BFAR: variants seen among roughly 807,000 people sequenced by gnomAD.
The protein encoded by BFAR is bifunctional apoptosis regulator, also known as RING finger protein 47.
Under a neutral mutation model 54.4 loss-of-function variants are expected in BFAR, and 52 were observed. The observed-to-expected ratio is 0.96, with a 90% CI of 0.77 to 1.21. The LOEUF (loss-of-function observed/expected upper bound fraction) is 1.21. BFAR is among the 50% of genes most tolerant of loss of function. The pLI, the probability that BFAR is intolerant of heterozygous loss-of-function variation, is 0.00. For missense variants in BFAR, 571 were observed against 534.0 expected (o/e 1.07, Z -0.68); for synonymous variants, 215 against 204.3 (o/e 1.05, Z -0.45).
At position 14,636,188 on chromosome 16, in the gene BFAR, G is replaced by A. The variant is rs577158934; in HGVS notation, c.-74+3170G>A. Among the ~76,000 whole-genome samples the A allele has an allele frequency of 2.0e-4, 30 of 152,268 alleles. 2 individuals are homozygous for A. The South Asian group carries it at 6.0e-3, about 30-fold the overall frequency. The stretch of plus-strand genomic sequence containing the variant: ...CCCTCCACACCTGTGGGTGTTTCTC[G>A]TTAGGTGGAACGAGAGACTTGGAAA... On this transcript the variant is annotated intron_variant, in intron 1 of 7. Coordinates refer to ENST00000261658, the MANE Select transcript of BFAR (RefSeq NM_016561.3).
rs565733109 is a variant in BFAR, at chr16:14,659,983, A to G, written c.784-1909A>G. The stretch of plus-strand genomic sequence containing the variant: ...TGTTTTAACAGTTTTTATTGAGGTA[A>G]AATTGATATACACCTACTTAAAGTG... On this transcript the variant is annotated intron_variant, in intron 5 of 7. Coordinates refer to ENST00000261658, the MANE Select transcript of BFAR (RefSeq NM_016561.3). 5.8e-4 allele frequency among the ~76,000 whole-genome samples: 88 copies of G among 152,342 alleles called. 2 individuals carry two copies. The highest frequency in any genetic ancestry group is 2.0e-3 in the African/African-American group (84 of 41,592).
intron 1 of BFAR, among the ~76,000 whole-genome samples, chr16:14,643,053 C>G (rs1959674651): frequency 6.6e-6 from 1 of 152,158 alleles, no homozygotes; most frequent in South Asian, 2.1e-4. Flanking sequence ...TGGCTCATAC[C>G]TGTAATCCCA....
At position 14,648,421 on chromosome 16, in the gene BFAR, T is replaced by G. The variant is rs754325463; in HGVS notation, c.297T>G (p.Ile99Met). ...TTGAAAAGTTATTTCCTGATGCCATTAGACTGAGATTTGAAGACATTCAGC... is the reference window on the plus strand; with the variant it reads ...TTGAAAAGTTATTTCCTGATGCCATGAGACTGAGATTTGAAGACATTCAGC... ...DAIEKLFPDAIRLRFEDIQQN... is the reference protein window; with the variant it reads ...DAIEKLFPDAMRLRFEDIQQN... The change falls in exon 3 of 8, where the codon ATT becomes ATG. Residue 99 changes from isoleucine (I) to methionine (M), a missense_variant. Ile to Met is a conservative substitution (Grantham distance 10). Coordinates refer to ENST00000261658, the MANE Select transcript of BFAR (RefSeq NM_016561.3). The G allele has an allele frequency of 9.3e-6, 15 of 1,613,738 alleles. No individual in the cohort carries two copies. The highest frequency in any genetic ancestry group is 1.3e-5 in the Non-Finnish European group (15 of 1,179,664).
chr16:14,645,840 T>C (rs151042377), intron 2 of BFAR, among the ~76,000 whole-genome samples: 8 of 152,192 alleles, frequency 5.3e-5, no homozygotes, highest in East Asian at 1.9e-4. Context: ...TACATATATA[T>C]ACACACACAT....
At chr16:14,660,360 C>A (rs1157070815) in intron 5 of BFAR, among the ~76,000 whole-genome samples, 1 of 152,066 alleles carries the variant, frequency 6.6e-6, no homozygotes, top group Non-Finnish European at 1.5e-5. Context: ...GATCTTGGCT[C>A]ACTGCAACCT....
At position 14,667,987 on chromosome 16, in the gene BFAR, G is replaced by A; in HGVS notation, c.*160G>A. On this transcript the variant is annotated 3_prime_UTR_variant, in exon 8 of 8. Coordinates refer to ENST00000261658, the MANE Select transcript of BFAR (RefSeq NM_016561.3). ...CTCCAACCATGTCCTCTCCCCCTCAGCCTGTGGGTGGCACGAGCAAGGACT... is the reference window on the plus strand; with the variant it reads ...CTCCAACCATGTCCTCTCCCCCTCAACCTGTGGGTGGCACGAGCAAGGACT... 1.4e-6 allele frequency: 1 copy of A among 730,928 alleles called. No individual in the cohort carries two copies. The highest frequency in any genetic ancestry group is 2.2e-6 in the Non-Finnish European group (1 of 454,176). 45.3% of individuals were successfully genotyped at this position (730,928 alleles called of 1,614,324 possible). A position where few individuals can be genotyped will look rare whatever the true frequency, so the allele number is the denominator to read the frequency against.
chr16:14,655,749 A>C (rs1260104941), intron 5 of BFAR, among the ~76,000 whole-genome samples: 1 of 152,120 alleles, frequency 6.6e-6, no homozygotes, highest in East Asian at 1.9e-4. Flanking sequence ...CTGTTTTACA[A>C]ATAAATAAGG....
chr16:14,637,097 T>C (rs1268146635), intron 1 of BFAR, among the ~76,000 whole-genome samples: 1 of 152,022 alleles, frequency 6.6e-6, no homozygotes, highest in Non-Finnish European at 1.5e-5. Context: ...CTCTCTTTCT[T>C]TTCCCCCCAC....
At position 14,644,426 on chromosome 16, in the gene BFAR, T is replaced by C; in HGVS notation, c.80T>C (p.Ile27Thr). ...DEPLKSTGPQ[I>T]SVSEFSCHCC... ...CCTCTCAAAAGCACCGGCCCTCAGA[T>C]TTCTGTTAGTGAATTTTCTTGCCAC... The change falls in exon 2 of 8, where the codon ATT becomes ACT. Residue 27 changes from isoleucine (I) to threonine (T), a missense_variant. Transcript: ENST00000261658. The C allele has an allele frequency of 1.2e-6, 2 of 1,614,006 alleles. No individual in the cohort carries two copies. Among genetic ancestry groups the C allele is most frequent in the African/African-American group, 1.3e-5 (1 of 75,016 alleles).
chr16:14,649,423 A>T (rs1428838048), intron 3 of BFAR, among the ~76,000 whole-genome samples: 2 of 152,136 alleles, frequency 1.3e-5, no homozygotes, highest in African/African-American at 4.8e-5. Context: ...CTAACTTCCA[A>T]TGTGGAGACT....
At chr16:14,637,815 CA>C (rs1402867367) in intron 1 of BFAR, among the ~76,000 whole-genome samples, 3 of 149,626 alleles carry the variant, frequency 2.0e-5, no homozygotes, top group Admixed American at 6.7e-5. Flanking sequence ...GGTGACAGAG[CA>C]AGACTCCATC....
At chr16:14,665,165 T>G (rs1313280589) in intron 7 of BFAR, 94 bp downstream of exon 7, 1 of 1,241,116 alleles carries the variant, frequency 8.1e-7, no homozygotes, top group Admixed American at 2.1e-5. Context: ...TTGAAATAAA[T>G]CCTCCATCCA....
At chr16:14,664,390 C>CAAAAAAA (rs753783830) in intron 6 of BFAR, among the ~76,000 whole-genome samples, 1 of 58,090 alleles carries the variant, frequency 1.7e-5, no homozygotes, top group Non-Finnish European at 3.6e-5. Context: ...GACTCCGTCT[C>CAAAAAAA]AAAAAAAAAA....
At chr16:14,641,172 T>C (rs1002098089) in intron 1 of BFAR, among the ~76,000 whole-genome samples, 5 of 152,228 alleles carry the variant, frequency 3.3e-5, no homozygotes, top group African/African-American at 1.2e-4. Flanking sequence ...AGTTATGATT[T>C]CCTAAACACA....
At chr16:14,655,329 T>A in intron 5 of BFAR, 119 bp downstream of exon 5, 1 of 910,738 alleles carries the variant, frequency 1.1e-6, no homozygotes, top group East Asian at 3.3e-5. Context: ...TTTATTTATT[T>A]ATTTTATTTT....
intron 6 of BFAR, among the ~76,000 whole-genome samples, chr16:14,664,357 TTC>T (rs1223519341): frequency 3.4e-5 from 5 of 147,868 alleles, no homozygotes; most frequent in Non-Finnish European, 5.9e-5. Context: ...CACCACTGCA[TTC>T]CAGCCTGGGT....
In BFAR at chr16:14,661,744, A is replaced by T. The variant is rs1037792083; in HGVS notation, c.784-148A>T. 8 of 845,732 alleles carry T rather than the reference A, an allele frequency of 9.5e-6. No individual in the cohort carries two copies. In the African/African-American group the frequency reaches 1.3e-4, roughly 14 times the overall value. The allele number at this position is 845,732 out of a possible 1,614,324, so 52.4% of individuals were successfully genotyped here. On this transcript the variant is annotated intron_variant, in intron 5 of 7. Coordinates refer to ENST00000261658, the MANE Select transcript of BFAR (RefSeq NM_016561.3). The stretch of plus-strand genomic sequence containing the variant: ...TACAATGTAACCCCAAATGTGGATC[A>T]CTTGGCCTCTTCTTGCCGTTCATTC...
At position 14,649,904 on chromosome 16, in the gene BFAR, G is replaced by C; in HGVS notation, c.569G>C (p.Trp190Ser). 1 of 1,613,744 alleles carries C rather than the reference G, an allele frequency of 6.2e-7. No homozygotes were observed. Among genetic ancestry groups the C allele is most frequent in the South Asian group, 1.1e-5 (1 of 90,942 alleles). ...TGGACGGCGGAAGAAGTTGTCCTCT[G>C]GCTGGAGCAGCTGGGCCCTTGGGCA... ...AKWTAEEVVL[W>S]LEQLGPWASL... Residue 190 changes from tryptophan (W) to serine (S), a missense_variant, in exon 4 of 8, where the codon TGG becomes TCG. Coordinates refer to ENST00000261658, the MANE Select transcript of BFAR (RefSeq NM_016561.3).
At chr16:14,653,302 G>T (rs900492366) in intron 4 of BFAR, among the ~76,000 whole-genome samples, 1 of 151,998 alleles carries the variant, frequency 6.6e-6, no homozygotes, top group Non-Finnish European at 1.5e-5. Flanking sequence ...AGGGGAATTT[G>T]TGTTTTCTTG....
Sources: allele counts gnomAD v4.1 joint callset (sites outside exome capture counted in the v4.1 genomes callset), GRCh38; gene constraint gnomAD v4.1.1; transcripts MANE v1.5; gene names NCBI Gene and HGNC (gene_info 2026-07-23, HGNC 2026-07-21).